PRKCB: variants seen among roughly 807,000 people sequenced by gnomAD.
PRKCB encodes protein kinase C beta, also known as protein kinase C beta type.
PRKCB carries 13 observed loss-of-function variants against 81.5 expected under a neutral mutation model. The observed-to-expected ratio is 0.16, with a 90% confidence interval of 0.10 to 0.25. The LOEUF (loss-of-function observed/expected upper bound fraction) is 0.25. Among genes scored for constraint, PRKCB ranks in the 10% least tolerant of loss-of-function variants. The pLI, the probability that PRKCB is intolerant of heterozygous loss-of-function variation, is 1.00. For synonymous variants in PRKCB, 335 were observed against 321.4 expected (o/e 1.04, Z -0.45); for missense variants, 509 against 875.7 (o/e 0.58, Z 5.29).
At chr16:24,147,762 G>A (rs548824165) in intron 9 of PRKCB, among the ~76,000 whole-genome samples, 4 of 152,306 alleles carry the variant, frequency 2.6e-5, no homozygotes, top group Admixed American at 2.6e-4. Context: ...ATACGGACGA[G>A]TCACCTAGCT....
chr16:24,058,404 A>G (rs1466387020), intron 5 of PRKCB, among the ~76,000 whole-genome samples: 1 of 152,162 alleles, frequency 6.6e-6, no homozygotes, highest in Non-Finnish European at 1.5e-5. Flanking sequence ...TTTGCTGAGT[A>G]AATGGCTAAA....
intron 5 of PRKCB, among the ~76,000 whole-genome samples, chr16:24,055,681 T>C (rs1965895241): frequency 6.6e-6 from 1 of 152,196 alleles, no homozygotes; most frequent in African/African-American, 2.4e-5. Flanking sequence ...AGTGAACCAA[T>C]CTGAAATCAT....
At chr16:24,159,126 G>A (rs560459857) in intron 10 of PRKCB, among the ~76,000 whole-genome samples, 1 of 152,286 alleles carries the variant, frequency 6.6e-6, no homozygotes, top group South Asian at 2.1e-4. Flanking sequence ...CCACCTCTTA[G>A]CTTCCCTATC....
intron 2 of PRKCB, among the ~76,000 whole-genome samples, chr16:23,872,995 T>A (rs1217578120): frequency 6.7e-6 from 1 of 150,242 alleles, no homozygotes; most frequent in Non-Finnish European, 1.5e-5. Context: ...CTGACCAACA[T>A]GGTGAAACCC....
At chr16:23,862,383 A>G (rs1392582056) in intron 2 of PRKCB, among the ~76,000 whole-genome samples, 4 of 152,080 alleles carry the variant, frequency 2.6e-5, no homozygotes, top group Middle Eastern at 6.3e-3. Flanking sequence ...CTATTATGGA[A>G]TTCCTTCCTC....
intron 5 of PRKCB, among the ~76,000 whole-genome samples, chr16:24,062,871 C>T (rs1965990414): frequency 6.6e-6 from 1 of 151,970 alleles, no homozygotes; most frequent in African/African-American, 2.4e-5. Context: ...ACTCTGTGAT[C>T]TTCTCTGTGG....
chr16:23,947,538 C>T (rs1964218725), intron 2 of PRKCB, among the ~76,000 whole-genome samples: 1 of 152,156 alleles, frequency 6.6e-6, no homozygotes, highest in Non-Finnish European at 1.5e-5. Context: ...TTCTGAAGTT[C>T]TGTGAATCTG....
chr16:24,120,286 T>A (rs907330359), intron 8 of PRKCB, among the ~76,000 whole-genome samples: 5 of 152,124 alleles, frequency 3.3e-5, no homozygotes, highest in African/African-American at 1.2e-4. Flanking sequence ...GTGTGCACAT[T>A]TGTCAAAATC....
At chr16:23,873,927 G>A (rs1962953399) in intron 2 of PRKCB, among the ~76,000 whole-genome samples, 1 of 152,066 alleles carries the variant, frequency 6.6e-6, no homozygotes, top group Non-Finnish European at 1.5e-5. Flanking sequence ...TACCTCTAAT[G>A]ATACTAGATT....
intron 2 of PRKCB, among the ~76,000 whole-genome samples, chr16:23,842,037 A>G (rs1037185361): frequency 1.3e-5 from 2 of 152,168 alleles, no homozygotes; most frequent in African/African-American, 4.8e-5. Context: ...TCAAACTGCC[A>G]GCCTCAAGCC....
intron 2 of PRKCB, among the ~76,000 whole-genome samples, chr16:23,870,373 A>G (rs959155456): frequency 6.6e-6 from 1 of 152,216 alleles, no homozygotes; most frequent in African/African-American, 2.4e-5. Context: ...AAACATGTAT[A>G]TAGCATGTGG....
At chr16:24,053,651 A>G (rs1965868821) in intron 5 of PRKCB, among the ~76,000 whole-genome samples, 1 of 152,218 alleles carries the variant, frequency 6.6e-6, no homozygotes, top group African/African-American at 2.4e-5. Context: ...GCAGTCACTG[A>G]GATGGGGACA....
At chr16:23,875,480 G>GATAT (rs71381624) in intron 2 of PRKCB, among the ~76,000 whole-genome samples, 95 of 4,640 alleles carry the variant, frequency 0.02, 8 homozygotes, top group South Asian at 0.056. Context: ...CAACTAAAAA[G>GATAT]ATATATATAT....
chr16:24,112,917 T>C, intron 7 of PRKCB, 56 bp from the exon 8 acceptor site: 1 of 1,239,602 alleles, frequency 8.1e-7, no homozygotes, highest in South Asian at 1.3e-5. Flanking sequence ...TGCTGATCAA[T>C]AAAATAATAC....
chr16:23,923,842 TG>T (rs1360302418), intron 2 of PRKCB, among the ~76,000 whole-genome samples: 2 of 152,126 alleles, frequency 1.3e-5, no homozygotes, highest in Non-Finnish European at 2.9e-5. Flanking sequence ...TTGCTCATTG[TG>T]GTCACAGAAG....
At chr16:24,160,194 T>G (rs1402067060) in intron 10 of PRKCB, among the ~76,000 whole-genome samples, 5 of 136,440 alleles carry the variant, frequency 3.7e-5, no homozygotes, top group Non-Finnish European at 7.5e-5. Context: ...TTGGGTGTTT[T>G]TTTTTTTTTT....
intron 2 of PRKCB, among the ~76,000 whole-genome samples, chr16:23,910,385 G>A (rs1235618639): frequency 6.6e-6 from 1 of 152,144 alleles, no homozygotes; most frequent in Non-Finnish European, 1.5e-5. Context: ...AGATCACTGT[G>A]TGGGAAACAT....
rs145168293 is a variant in PRKCB, at chr16:24,202,471, C to T, written c.1863+11241C>T. Among the ~76,000 whole-genome samples, 999 of 152,256 alleles carry T rather than the reference C, an allele frequency of 6.6e-3. 16 individuals carry two copies. The highest frequency in any genetic ancestry group is 0.023 in the African/African-American group (954 of 41,538). On this transcript the variant is annotated intron_variant, in intron 16 of 16. Transcript: ENST00000643927. ...CTTGACCTCACCATATTATTAGGTG[C>T]TCTAATCCTTTCTCCTTTAAAAAAA...
Position 24,182,750 on chromosome 16 carries a change from A to C in PRKCB, c.1533+1822A>C, listed in dbSNP as rs73548584. On this transcript the variant is annotated intron_variant, in intron 13 of 16. Coordinates refer to ENST00000643927, the MANE Select transcript of PRKCB (RefSeq NM_002738.7). ...GGGGAGGCAACTTCACCAGCCACAC[A>C]GTTGAGGGTTTCTTGTGCTTGCCTG... Among the ~76,000 whole-genome samples, 1,215 of 152,216 alleles carry C rather than the reference A, an allele frequency of 8.0e-3. 12 individuals are homozygous for C. The highest frequency in any genetic ancestry group is 0.028 in the African/African-American group (1,149 of 41,514).
Sources: gnomAD v4.1 joint callset for allele counts (sites outside exome capture counted in the v4.1 genomes callset) on GRCh38, gnomAD v4.1.1 for gene constraint, MANE v1.5 for transcripts, NCBI Gene and HGNC (gene_info 2026-07-23, HGNC 2026-07-21) for gene names.